PDE7B: variants seen among roughly 807,000 people sequenced by gnomAD.
PDE7B encodes the protein phosphodiesterase 7B.
In PDE7B, 29 loss-of-function variants were observed where a neutral mutation model predicts 56.2. The ratio of observed to expected loss-of-function variants is 0.52; its 90% CI spans 0.38 to 0.70. PDE7B has a LOEUF of 0.70. Ranked by LOEUF, PDE7B falls within the 30% of genes least tolerant of loss-of-function variation. The pLI is 0.00. For missense variants in PDE7B, 490 were observed against 565.0 expected, an observed-to-expected ratio of 0.87 and a Z score of 1.35; for synonymous variants, 197 against 196.9, an observed-to-expected ratio of 1.00 and a Z score of 0.00.
chr6:135,862,836 A>G (rs940886527), intron 1 of PDE7B, among the ~76,000 whole-genome samples: 4 of 151,812 alleles, frequency 2.6e-5, no homozygotes, highest in African/African-American at 9.7e-5. Context: ...TCACAGTTTC[A>G]GCTGTCTCCC....
chr6:136,187,380 T>G (rs888056708), intron 12 of PDE7B, among the ~76,000 whole-genome samples: 3 of 152,212 alleles, frequency 2.0e-5, no homozygotes, highest in Admixed American at 6.5e-5. Context: ...TAGTTTAGAA[T>G]AGAATCAAAA....
intron 1 of PDE7B, among the ~76,000 whole-genome samples, chr6:135,937,581 A>G (rs1360765342): frequency 6.6e-6 from 1 of 152,102 alleles, no homozygotes; most frequent in Non-Finnish European, 1.5e-5. Context: ...TCTCTCCCCT[A>G]CTTAATCAGA....
intron 2 of PDE7B, among the ~76,000 whole-genome samples, chr6:136,071,944 A>G (rs1777056000): frequency 1.3e-5 from 2 of 152,218 alleles, no homozygotes; most frequent in Non-Finnish European, 1.5e-5. Context: ...TCCTTCAGTT[A>G]GTCATTCTAA....
At chr6:136,111,562 T>C (rs568029996) in intron 3 of PDE7B, among the ~76,000 whole-genome samples, 2 of 152,344 alleles carry the variant, frequency 1.3e-5, no homozygotes, top group South Asian at 4.1e-4. Flanking sequence ...GGAGCAGAGA[T>C]GTATGAACAT....
At chr6:136,107,521 GA>G in intron 2 of PDE7B, among the ~76,000 whole-genome samples, 1 of 152,326 alleles carries the variant, frequency 6.6e-6, no homozygotes, top group East Asian at 1.9e-4. Flanking sequence ...TAAATAACAT[GA>G]TATGCATGAT....
At chr6:135,949,257 G>A (rs1774651918) in intron 2 of PDE7B, among the ~76,000 whole-genome samples, 1 of 151,986 alleles carries the variant, frequency 6.6e-6, no homozygotes, top group Non-Finnish European at 1.5e-5. Context: ...TTGACTGAAT[G>A]TTTCTGTGTC....
At chr6:136,080,625 C>T (rs1777191390) in intron 2 of PDE7B, among the ~76,000 whole-genome samples, 1 of 152,064 alleles carries the variant, frequency 6.6e-6, no homozygotes, top group Admixed American at 6.5e-5. Context: ...CAGTAGATAC[C>T]CATTCGACAT....
At chr6:135,951,484 A>G (rs1338167313) in intron 2 of PDE7B, among the ~76,000 whole-genome samples, 1 of 152,210 alleles carries the variant, frequency 6.6e-6, no homozygotes, top group Non-Finnish European at 1.5e-5. Context: ...CAGAATATTT[A>G]AAGAAATTAT....
At chr6:136,084,341 A>C (rs1385382225) in intron 2 of PDE7B, among the ~76,000 whole-genome samples, 1 of 152,226 alleles carries the variant, frequency 6.6e-6, no homozygotes, top group Non-Finnish European at 1.5e-5. Context: ...ATGCAAACTG[A>C]AATCTGCTTT....
At chr6:135,937,732 G>A (rs764450908) in intron 1 of PDE7B, among the ~76,000 whole-genome samples, 36 of 152,170 alleles carry the variant, frequency 2.4e-4, no homozygotes, top group Non-Finnish European at 4.6e-4. Context: ...ATCAGACAGA[G>A]TCACTGCCTC....
intron 2 of PDE7B, among the ~76,000 whole-genome samples, chr6:136,002,178 C>T (rs2128206197): frequency 6.6e-6 from 1 of 152,198 alleles, no homozygotes; most frequent in Admixed American, 6.5e-5. Context: ...CCAGGCCTGG[C>T]CTAAAAGAGC....
At chr6:136,156,893 A>C (rs1049898979) in intron 8 of PDE7B, among the ~76,000 whole-genome samples, 1 of 152,176 alleles carries the variant, frequency 6.6e-6, no homozygotes, top group Admixed American at 6.5e-5. Context: ...GGAACATCAA[A>C]AAGATGAAAA....
At chr6:136,173,222 T>G (rs1201170964) in intron 8 of PDE7B, among the ~76,000 whole-genome samples, 2 of 152,208 alleles carry the variant, frequency 1.3e-5, no homozygotes, top group Non-Finnish European at 2.9e-5. Context: ...AGAACAAAGC[T>G]GGAGGCATCA....
chr6:135,902,667 A>G (rs1332384580), intron 1 of PDE7B, among the ~76,000 whole-genome samples: 1 of 152,178 alleles, frequency 6.6e-6, no homozygotes, highest in African/African-American at 2.4e-5. Context: ...CAGTCCTGCA[A>G]TTGATCTTGT....
chr6:136,052,340 T>C (rs1289319340), intron 2 of PDE7B, among the ~76,000 whole-genome samples: 2 of 152,220 alleles, frequency 1.3e-5, no homozygotes, highest in Non-Finnish European at 2.9e-5. Context: ...AAGAAAGATA[T>C]TTTTCCTGGC....
Position 136,191,013 on chromosome 6 carries a change from C to CTTTTTTTTTTTTT in PDE7B, c.1127-589_1127-577dup, listed in dbSNP as rs752187218. On this transcript the variant is annotated intron_variant, in intron 12 of 12. Transcript: ENST00000308191. ...CTGCCTTCTTTAGCTCCAGCATACACTTTTTTTTTTTTTTTTTTTTTTTTA... is the reference window on the plus strand; with the variant it reads ...CTGCCTTCTTTAGCTCCAGCATACACTTTTTTTTTTTTTTTTTTTTTTTTTTTTTTTTTTTTTA... Among the ~76,000 whole-genome samples, 123 of 99,256 alleles carry CTTTTTTTTTTTTT rather than the reference C, an allele frequency of 1.2e-3. 5 individuals are homozygous for CTTTTTTTTTTTTT. The highest frequency in any genetic ancestry group is 8.0e-3 in the African/African-American group (89 of 11,106). The allele number at this position is 99,256 out of a possible 152,430, so 65.1% of individuals were successfully genotyped here.
chr6:136,101,518 T>G (rs1777561856), intron 2 of PDE7B, among the ~76,000 whole-genome samples: 1 of 152,222 alleles, frequency 6.6e-6, no homozygotes, highest in Admixed American at 6.5e-5. Context: ...CAGGAATCTA[T>G]CCATTTCTTC....
At chr6:136,139,539 C>G (rs539835712) in intron 3 of PDE7B, among the ~76,000 whole-genome samples, 1 of 152,104 alleles carries the variant, frequency 6.6e-6, no homozygotes. Context: ...CTTGAGGAAT[C>G]GCCACACTGA....
intron 1 of PDE7B, among the ~76,000 whole-genome samples, chr6:135,917,107 T>C (rs1773968029): frequency 6.6e-6 from 1 of 152,190 alleles, no homozygotes; most frequent in African/African-American, 2.4e-5. Context: ...GTGTGCATGG[T>C]AAAGTAATAC....
Sources: allele counts gnomAD v4.1 joint callset (sites outside exome capture counted in the v4.1 genomes callset), GRCh38; gene constraint gnomAD v4.1.1; transcripts MANE v1.5; gene names NCBI Gene and HGNC (gene_info 2026-07-23, HGNC 2026-07-21).